The following PTGR2 variants were observed in gnomAD, a reference collection of about 807,000 sequenced individuals.
PTGR2 encodes the protein 15-oxoprostaglandin 13-reductase.
In PTGR2, 32 loss-of-function variants were observed where a neutral mutation model predicts 43.4. The ratio of observed to expected loss-of-function variants is 0.74; its 90% confidence interval spans 0.56 to 0.99. The LOEUF is 0.99. PTGR2 is among the 50% of genes least tolerant of loss of function. The probability of loss-of-function intolerance (pLI) is 0.00; values close to 1 mark genes in which losing one functional copy is unlikely to be tolerated. For synonymous variants in PTGR2, 106 were observed against 139.2 expected (o/e 0.76, Z 1.68); for missense variants, 373 against 420.0 (o/e 0.89, Z 0.98).
Position 73,880,365 on chromosome 14 carries a change from G to A in PTGR2, c.851+189G>A, listed in dbSNP as rs2054954867. On this transcript the variant is annotated intron_variant, in intron 7 of 9. Transcript: ENST00000555661. Reference sequence around the variant, plus strand: ...AGACGGGTGGATTGCTTGAGGCCAGGAGTTCAAAACTAGCCTGGCCAACAT... The same window carrying A: ...AGACGGGTGGATTGCTTGAGGCCAGAAGTTCAAAACTAGCCTGGCCAACAT... 16 of 576,188 alleles carry A rather than the reference G, an allele frequency of 2.8e-5. No homozygotes were observed. In the East Asian group the frequency reaches 5.7e-4, roughly 21 times the overall value. The allele number at this position is 576,188 out of a possible 1,614,324, so 35.7% of individuals were successfully genotyped here.
intron 1 of PTGR2, among the ~76,000 whole-genome samples, chr14:73,857,063 G>A (rs1185419653): frequency 1.3e-5 from 2 of 151,938 alleles, no homozygotes; most frequent in Non-Finnish European, 2.9e-5. Context: ...CTTGAGCCCA[G>A]GAATTCGAGA....
chr14:73,857,554 C>T (rs62005574), intron 1 of PTGR2, among the ~76,000 whole-genome samples: 60,903 of 150,380 alleles, frequency 0.4, 12,938 homozygotes, highest in Non-Finnish European at 0.46. Flanking sequence ...GCAGAGGTTG[C>T]GGTGAGCTGA....
At position 73,881,206 on chromosome 14, in the gene PTGR2, G is replaced by A; in HGVS notation, c.853G>A (p.Glu285Lys). ...TTATCCTTTTCTTCCTCACTGCAGG[G>A]AAAGATTTCTGGTATTAAATTATAA... ...AIQKERNITR[E>K]RFLVLNYKDK... Residue 285 changes from glutamate (E) to lysine (K), a missense_variant and splice_region_variant, in exon 8 of 10, where the codon GAA becomes AAA. By Grantham distance (56) the Glu-to-Lys change is moderately conservative. Transcript: ENST00000555661. The A allele has an allele frequency of 1.3e-6, 2 of 1,590,860 alleles. No homozygotes were observed. Among genetic ancestry groups the A allele is most frequent in the South Asian group, 2.2e-5 (2 of 90,508 alleles).
chr14:73,862,202 G>C (rs1968105), intron 3 of PTGR2, among the ~76,000 whole-genome samples: 1 of 151,078 alleles, frequency 6.6e-6, no homozygotes, highest in Non-Finnish European at 1.5e-5. Context: ...AACTTTTGTT[G>C]TTGTTGTTTG....
At chr14:73,879,448 T>A (rs1281939702) in intron 6 of PTGR2, 143 bp downstream of exon 6, 1 of 693,012 alleles carries the variant, frequency 1.4e-6, no homozygotes, top group African/African-American at 1.8e-5. Flanking sequence ...ATTTAAGTGA[T>A]ACAAAAGAGC....
Position 73,884,104 on chromosome 14 carries a change from C to T in PTGR2, c.983C>T (p.Ala328Val). 1 of 1,598,776 alleles carries T rather than the reference C, an allele frequency of 6.3e-7. No individual in the cohort carries two copies. Among genetic ancestry groups the T allele is most frequent in the South Asian group, 1.1e-5 (1 of 88,676 alleles). The change falls in exon 10 of 10, where the codon GCA becomes GTA. Residue 328 changes from alanine to valine, a missense_variant. Transcript: ENST00000555661. ...VINGLENMGA[A>V]FQSMMTGGNI... Reference sequence around the variant, plus strand: ...AACCTACTTTCTCTTTTTCCAGCTGCATTCCAGTCCATGATGACAGGAGGT... The same window carrying T: ...AACCTACTTTCTCTTTTTCCAGCTGTATTCCAGTCCATGATGACAGGAGGT...
chr14:73,851,832 C>G lies in PTGR2; in HGVS notation c.-159C>G, dbSNP rs1025469607. 1 of 152,264 alleles carries G rather than the reference C, an allele frequency of 6.6e-6. No individual in the cohort carries two copies. Among genetic ancestry groups the G allele is most frequent in the African/African-American group, 2.4e-5 (1 of 41,454 alleles). The allele number at this position is 152,264 out of a possible 1,614,324, so 9.4% of individuals were successfully genotyped here. ...GGGGGCGCGGAGCCGGGCCTAGTCG[C>G]GCGCCTGCGTACTGCGGTCAGAGGG... On this transcript the variant is annotated 5_prime_UTR_variant, in exon 1 of 10. Transcript: ENST00000555661.
chr14:73,864,033 T>C (rs2054551310), intron 3 of PTGR2, among the ~76,000 whole-genome samples: 1 of 152,180 alleles, frequency 6.6e-6, no homozygotes, highest in Non-Finnish European at 1.5e-5. Context: ...GCTGGGGTTG[T>C]AGGTGGGAGC....
At chr14:73,871,550 T>C (rs368777845) in intron 3 of PTGR2, among the ~76,000 whole-genome samples, 1 of 152,104 alleles carries the variant, frequency 6.6e-6, no homozygotes, top group Admixed American at 6.6e-5. Context: ...CCCTGATTTA[T>C]AGCCAGTTTG....
chr14:73,870,615 A>T (rs2054705886), intron 3 of PTGR2, among the ~76,000 whole-genome samples: 1 of 152,280 alleles, frequency 6.6e-6, no homozygotes, highest in South Asian at 2.1e-4. Context: ...TAATGTGCAT[A>T]TACAACTTGG....
chr14:73,884,352 G>T lies in PTGR2; in HGVS notation c.*175G>T. ...ATCATTAATGGATCATACACAATAG[G>T]TTTTTAAAAATTAATAACTTTTAGT... On this transcript the variant is annotated 3_prime_UTR_variant, in exon 10 of 10. Coordinates refer to ENST00000555661, the MANE Select transcript of PTGR2 (RefSeq NM_001146154.2). The T allele has an allele frequency of 2.3e-6, 1 of 440,800 alleles. No homozygotes were observed. Among genetic ancestry groups the T allele is most frequent in the Non-Finnish European group, 3.9e-6 (1 of 253,970 alleles). The allele number at this position is 440,800 out of a possible 1,614,324, so 27.3% of individuals were successfully genotyped here. A position where few individuals can be genotyped will look rare whatever the true frequency, so the allele number is the denominator to read the frequency against.
Position 73,877,022 on chromosome 14 carries a change from C to T in PTGR2, c.373C>T (p.His125Tyr), listed in dbSNP as rs994801953. The change falls in exon 5 of 10, where the codon CAC (histidine) becomes TAC (tyrosine). Residue 125 changes from histidine (H) to tyrosine (Y), a missense_variant. Transcript: ENST00000555661. ...EKVDPQLVDG[H>Y]LSYFLGAIGM... ...GGTAGACCCACAACTTGTGGATGGA[C>T]ACCTTTCATATTTTCTTGGAGCTAT... The T allele has an allele frequency of 6.2e-7, 1 of 1,613,050 alleles. No homozygotes were observed. The highest frequency in any genetic ancestry group is 8.5e-7 in the Non-Finnish European group (1 of 1,179,662).
At chr14:73,879,377 T>G in intron 6 of PTGR2, 72 bp downstream of exon 6, 1 of 1,348,634 alleles carries the variant, frequency 7.4e-7, no homozygotes, top group Non-Finnish European at 1.0e-6. Context: ...TACCTAATAC[T>G]GAGAAAAAAA....
intron 4 of PTGR2, among the ~76,000 whole-genome samples, chr14:73,874,912 A>C (rs1443572043): frequency 1.3e-5 from 2 of 152,274 alleles, no homozygotes; most frequent in South Asian, 4.1e-4. Context: ...TCTGTCACCC[A>C]GGCTGGAGTG....
rs147756160 is a variant in PTGR2, at chr14:73,859,747, G to T, written c.38-792G>T. 2.5e-4 allele frequency among the ~76,000 whole-genome samples: 38 copies of T among 149,936 alleles called. No individual in the cohort carries two copies. The East Asian group carries it at 7.2e-3, about 28-fold the overall frequency. On this transcript the variant is annotated intron_variant, in intron 2 of 9. Coordinates refer to ENST00000555661, the MANE Select transcript of PTGR2 (RefSeq NM_001146154.2). ...TAAAATAAGGAAGGAAAGTTTAGCCGCGCTCCATCCTGGGTGACAGAGTAA... is the reference window on the plus strand; with the variant it reads ...TAAAATAAGGAAGGAAAGTTTAGCCTCGCTCCATCCTGGGTGACAGAGTAA...
At chr14:73,871,756 C>T (rs1473231163) in intron 3 of PTGR2, among the ~76,000 whole-genome samples, 1 of 152,068 alleles carries the variant, frequency 6.6e-6, no homozygotes, top group Non-Finnish European at 1.5e-5. Flanking sequence ...GGGAAATACC[C>T]CTCCACATCT....
intron 3 of PTGR2, among the ~76,000 whole-genome samples, chr14:73,868,189 T>C (rs2054645460): frequency 6.6e-6 from 1 of 152,006 alleles, no homozygotes; most frequent in African/African-American, 2.4e-5. Flanking sequence ...CTTGGGAGGC[T>C]GAGGCAGGAA....
chr14:73,855,078 G>A (rs1401874039), intron 1 of PTGR2, among the ~76,000 whole-genome samples: 1 of 152,124 alleles, frequency 6.6e-6, no homozygotes, highest in Admixed American at 6.6e-5. Context: ...TAAATGGAAG[G>A]GAGACTCAAA....
At chr14:73,883,616 G>T (rs557660879) in intron 9 of PTGR2, among the ~76,000 whole-genome samples, 2 of 152,062 alleles carry the variant, frequency 1.3e-5, no homozygotes, top group African/African-American at 4.8e-5. Context: ...CCCCCGAGTA[G>T]CTGGGACTAC....
Sources: gnomAD v4.1 joint callset for allele counts (sites outside exome capture counted in the v4.1 genomes callset) on GRCh38, gnomAD v4.1.1 for gene constraint, MANE v1.5 for transcripts, NCBI Gene and HGNC (gene_info 2026-07-23, HGNC 2026-07-21) for gene names.